The following SNTG1 variants were observed in gnomAD, a reference collection of about 807,000 sequenced individuals.
SNTG1 encodes the protein syntrophin gamma 1.
SNTG1 carries 39 observed loss-of-function variants against 74.7 expected under a neutral mutation model. The ratio of observed to expected loss-of-function variants is 0.52; its 90% CI spans 0.40 to 0.68. The LOEUF is 0.68. Among genes scored for constraint, SNTG1 ranks in the 30% least tolerant of loss-of-function variants. SNTG1 has a pLI of 0.00. For missense variants in SNTG1, 685 were observed against 609.5 expected, an observed-to-expected ratio of 1.12 and a Z score of -1.30; for synonymous variants, 254 against 217.1, an observed-to-expected ratio of 1.17 and a Z score of -1.49.
At chr8:50,174,252 G>C (rs1424648614) in intron 2 of SNTG1, among the ~76,000 whole-genome samples, 9 of 152,180 alleles carry the variant, frequency 5.9e-5, no homozygotes, top group African/African-American at 2.2e-4. Flanking sequence ...GGATATTTGG[G>C]TTGGTTCCAA....
intron 12 of SNTG1, among the ~76,000 whole-genome samples, chr8:50,586,093 G>A (rs1302602979): frequency 2.6e-5 from 4 of 152,118 alleles, no homozygotes; most frequent in African/African-American, 9.7e-5. Flanking sequence ...ACCTGAGTGT[G>A]CAAATCCTAG....
chr8:50,188,325 C>A (rs1270050482), intron 2 of SNTG1, among the ~76,000 whole-genome samples: 1 of 152,110 alleles, frequency 6.6e-6, no homozygotes, highest in Admixed American at 6.6e-5. Context: ...GCCCTCTCTG[C>A]TTCCAGGCAA....
chr8:50,497,524 A>G (rs1163338138), intron 8 of SNTG1, among the ~76,000 whole-genome samples: 5 of 152,010 alleles, frequency 3.3e-5, no homozygotes, highest in Non-Finnish European at 5.9e-5. Flanking sequence ...TATAATGTCA[A>G]TACAAATACA....
At chr8:49,917,874 C>T (rs1806182039) in intron 1 of SNTG1, among the ~76,000 whole-genome samples, 1 of 152,130 alleles carries the variant, frequency 6.6e-6, no homozygotes, top group Admixed American at 6.5e-5. Context: ...CGTCAAGAGT[C>T]CTCGACTCAG....
intron 2 of SNTG1, among the ~76,000 whole-genome samples, chr8:50,391,635 C>T (rs999433303): frequency 2.6e-5 from 4 of 152,080 alleles, no homozygotes; most frequent in Non-Finnish European, 5.9e-5. Context: ...GGAATAGTTT[C>T]AGAAGGAATG....
chr8:50,376,422 T>C (rs1452877542), intron 2 of SNTG1, among the ~76,000 whole-genome samples: 4 of 151,974 alleles, frequency 2.6e-5, no homozygotes, highest in Admixed American at 6.6e-5. Context: ...ATAATAATTT[T>C]GTGAAAAAAA....
intron 13 of SNTG1, among the ~76,000 whole-genome samples, chr8:50,593,594 T>G (rs770310682): frequency 2.0e-5 from 3 of 152,114 alleles, no homozygotes; most frequent in Non-Finnish European, 4.4e-5. Flanking sequence ...AGTTATTGCC[T>G]CCACTTGAAA....
chr8:50,389,113 T>G (rs1247805091), intron 2 of SNTG1, among the ~76,000 whole-genome samples: 3 of 152,300 alleles, frequency 2.0e-5, no homozygotes, highest in African/African-American at 7.2e-5. Context: ...GGGAAGCATG[T>G]GAGGCCTGTA....
intron 2 of SNTG1, among the ~76,000 whole-genome samples, chr8:50,345,684 G>T (rs1319574046): frequency 6.6e-6 from 1 of 152,160 alleles, no homozygotes; most frequent in Non-Finnish European, 1.5e-5. Flanking sequence ...AATAAGCAAT[G>T]ACTATAGACG....
intron 2 of SNTG1, among the ~76,000 whole-genome samples, chr8:50,224,388 C>T (rs1458659591): frequency 1.3e-5 from 2 of 152,166 alleles, no homozygotes; most frequent in Non-Finnish European, 2.9e-5. Context: ...AACAAACAGA[C>T]ATGCTTTTAC....
At chr8:50,490,648 A>G (rs1002182856) in intron 8 of SNTG1, 2 of 152,272 alleles carry the variant, frequency 1.3e-5, no homozygotes, top group Non-Finnish European at 2.9e-5. Context: ...AAAACCGTAA[A>G]TCCACATTGG....
chr8:50,286,872 C>G (rs140428138), intron 2 of SNTG1: 1 of 152,182 alleles, frequency 6.6e-6, no homozygotes, highest in Non-Finnish European at 1.5e-5. Flanking sequence ...CCCCATGACT[C>G]AGCTGAAGCA....
At chr8:50,499,524 T>G (rs2093932954) in intron 8 of SNTG1, among the ~76,000 whole-genome samples, 1 of 151,654 alleles carries the variant, frequency 6.6e-6, no homozygotes, top group African/African-American at 2.4e-5. Context: ...ATACCTAAAT[T>G]TTTTCTCTAT....
intron 18 of SNTG1, among the ~76,000 whole-genome samples, chr8:50,758,365 G>C (rs1036651245): frequency 6.6e-6 from 1 of 151,796 alleles, no homozygotes; most frequent in Non-Finnish European, 1.5e-5. Context: ...TAAATGTGCA[G>C]AATGTGCAGG....
At chr8:50,470,850 C>T (rs2093647693) in intron 8 of SNTG1, among the ~76,000 whole-genome samples, 1 of 152,130 alleles carries the variant, frequency 6.6e-6, no homozygotes, top group Non-Finnish European at 1.5e-5. Flanking sequence ...CTGCAGGGGG[C>T]TCTGGTGGCC....
chr8:49,988,862 A>C (rs916716004), intron 1 of SNTG1, among the ~76,000 whole-genome samples: 1 of 152,000 alleles, frequency 6.6e-6, no homozygotes, highest in Non-Finnish European at 1.5e-5. Flanking sequence ...AAAATGAAAA[A>C]GCAGCAAAAT....
rs2095516989 is a variant in SNTG1, at chr8:50,733,105, T to G, written c.1285-18896T>G. Among the ~76,000 whole-genome samples the G allele has an allele frequency of 5.3e-5, 8 of 152,044 alleles. 1 individual carries two copies. In the South Asian group the frequency reaches 1.7e-3, roughly 32 times the overall value. On this transcript the variant is annotated intron_variant, in intron 17 of 18. Coordinates refer to ENST00000642720, the MANE Select transcript of SNTG1 (RefSeq NM_018967.5). ...CCCCCTCCCTACCCCTCTAGTGTTC[T>G]TCAGTGTTTATTGTTCTCATATTTA...
intron 2 of SNTG1, among the ~76,000 whole-genome samples, chr8:50,385,625 T>C (rs540800177): frequency 3.3e-5 from 5 of 152,280 alleles, no homozygotes; most frequent in Admixed American, 1.3e-4. Flanking sequence ...TTGTGAGCTA[T>C]TGACATAGGG....
intron 18 of SNTG1, among the ~76,000 whole-genome samples, chr8:50,772,315 T>G (rs1324639562): frequency 6.6e-6 from 1 of 152,130 alleles, no homozygotes; most frequent in Non-Finnish European, 1.5e-5. Context: ...AGATATGAAG[T>G]AAAATAAAAT....
Sources: allele counts gnomAD v4.1 joint callset (sites outside exome capture counted in the v4.1 genomes callset), GRCh38; gene constraint gnomAD v4.1.1; transcripts MANE v1.5; gene names NCBI Gene and HGNC (gene_info 2026-07-23, HGNC 2026-07-21).